The following MAP3K13 variants were observed in gnomAD, a reference collection of about 807,000 sequenced individuals.
The protein encoded by MAP3K13 is mitogen-activated protein kinase kinase kinase 13, also known as leucine zipper-bearing kinase.
A neutral mutation model predicts 104.0 loss-of-function variants in MAP3K13; 52 were observed. The ratio of observed to expected loss-of-function variants is 0.50; its 90% CI spans 0.40 to 0.63. The LOEUF (loss-of-function observed/expected upper bound fraction) is 0.63. Ranked by LOEUF, MAP3K13 falls within the 20% of genes least tolerant of loss-of-function variation. MAP3K13 has a pLI of 0.00. For synonymous variants in MAP3K13, 394 were observed against 442.2 expected (o/e 0.89, Z 1.37); for missense variants, 914 against 1,218.5 (o/e 0.75, Z 3.72).
chr3:185,477,767 T>G (rs1194854240), intron 12 of MAP3K13, among the ~76,000 whole-genome samples: 1 of 152,150 alleles, frequency 6.6e-6, no homozygotes, highest in Non-Finnish European at 1.5e-5. Context: ...ACTGGATGCT[T>G]AAACAACAGA....
At chr3:185,327,092 G>A (rs572929006) in intron 2 of MAP3K13, among the ~76,000 whole-genome samples, 1 of 152,248 alleles carries the variant, frequency 6.6e-6, no homozygotes, top group South Asian at 2.1e-4. Context: ...CTAAACCAGG[G>A]TGTCATCAGG....
At chr3:185,416,146 T>C (rs1560094654) in intron 1 of MAP3K13, among the ~76,000 whole-genome samples, 1 of 152,194 alleles carries the variant, frequency 6.6e-6, no homozygotes, top group African/African-American at 2.4e-5. Flanking sequence ...TCATTTATAA[T>C]ACCAAATGAA....
At chr3:185,370,844 G>T (rs1274338652) in intron 1 of MAP3K13, among the ~76,000 whole-genome samples, 8 of 150,646 alleles carry the variant, frequency 5.3e-5, no homozygotes, top group Admixed American at 3.3e-4. Flanking sequence ...CAGTTTGGTT[G>T]TACGTTGTAG....
At chr3:185,445,449 A>G (rs1003115561) in intron 4 of MAP3K13, among the ~76,000 whole-genome samples, 2 of 152,180 alleles carry the variant, frequency 1.3e-5, no homozygotes, top group Non-Finnish European at 2.9e-5. Context: ...TTCCGTTCAC[A>G]TTCTTACCCT....
chr3:185,288,275 G>A (rs1720601087), intron 2 of MAP3K13, among the ~76,000 whole-genome samples: 1 of 152,056 alleles, frequency 6.6e-6, no homozygotes, highest in African/African-American at 2.4e-5. Flanking sequence ...AAAGTTACAT[G>A]TAGAAAACAC....
chr3:185,430,366 A>G (rs766801282), intron 2 of MAP3K13, among the ~76,000 whole-genome samples: 15 of 152,140 alleles, frequency 9.9e-5, no homozygotes, highest in Non-Finnish European at 1.3e-4. Flanking sequence ...TTATATAGGT[A>G]AACTTGTGCC....
At chr3:185,285,632 A>G (rs1720480776) in exon 2 of MAP3K13, 2 of 1,534,454 alleles carry the variant, frequency 1.3e-6, no homozygotes, top group Non-Finnish European at 1.7e-6. Flanking sequence ...AAATCCTAGC[A>G]CTCTGGGAGA....
chr3:185,485,521 C>T lies in MAP3K13; in HGVS notation c.*3065C>T, dbSNP rs1177117425. The T allele has an allele frequency of 6.6e-6, 1 of 151,738 alleles. No homozygotes were observed. Among genetic ancestry groups the T allele is most frequent in the Non-Finnish European group, 1.5e-5 (1 of 67,994 alleles). 9.4% of individuals were successfully genotyped at this position (151,738 alleles called of 1,614,324 possible). On this transcript the variant is annotated 3_prime_UTR_variant, in exon 14 of 14. Transcript: ENST00000265026. ...GCCCCTTGCTGCCCTGGAGGTGATCCTCCCTCTGTCCAGCATATTCATGCT... is the reference window on the plus strand; with the variant it reads ...GCCCCTTGCTGCCCTGGAGGTGATCTTCCCTCTGTCCAGCATATTCATGCT...
chr3:185,418,875 T>G lies in MAP3K13; in HGVS notation c.-85-9622T>G. ...TCATCTGTTTTGGGTTTCAGTTCTCTTAATCATGATCATTCTGCCTTTTCT... is the reference window on the plus strand; with the variant it reads ...TCATCTGTTTTGGGTTTCAGTTCTCGTAATCATGATCATTCTGCCTTTTCT... On this transcript the variant is annotated intron_variant, in intron 1 of 13. Transcript: ENST00000265026. This position sits in a 1 kb window ranked among gnomAD's most constrained non-coding sequence, Gnocchi z 4.5. 3 of 1,295,340 alleles carry G rather than the reference T, an allele frequency of 2.3e-6. No individual in the cohort carries two copies. The highest frequency in any genetic ancestry group is 3.2e-6 in the Non-Finnish European group (3 of 950,794). 80.2% of individuals were successfully genotyped at this position (1,295,340 alleles called of 1,614,324 possible).
At chr3:185,422,314 G>T (rs1454037537) in intron 1 of MAP3K13, among the ~76,000 whole-genome samples, 1 of 152,212 alleles carries the variant, frequency 6.6e-6, no homozygotes, top group African/African-American at 2.4e-5. Flanking sequence ...TCTGCCACTG[G>T]TCAGATGTTA....
chr3:185,312,297 C>G (rs946308054), intron 2 of MAP3K13, among the ~76,000 whole-genome samples: 15 of 152,236 alleles, frequency 9.9e-5, no homozygotes, highest in African/African-American at 3.6e-4. Context: ...AAGATGCAGA[C>G]AGAAGATAGA....
chr3:185,339,397 C>T (rs1397046234), intron 2 of MAP3K13, among the ~76,000 whole-genome samples: 4 of 152,290 alleles, frequency 2.6e-5, no homozygotes, highest in East Asian at 3.9e-4. Context: ...AGTGTGTTCT[C>T]GAAGTGTGTT....
At chr3:185,437,015 A>G (rs1715071729) in intron 2 of MAP3K13, among the ~76,000 whole-genome samples, 1 of 149,748 alleles carries the variant, frequency 6.7e-6, no homozygotes, top group Non-Finnish European at 1.5e-5. Flanking sequence ...AAAAAAAAAA[A>G]AAAAAAAAAA....
chr3:185,455,137 T>A (rs1319494362), intron 7 of MAP3K13, among the ~76,000 whole-genome samples: 1 of 110,618 alleles, frequency 9.0e-6, no homozygotes, highest in African/African-American at 3.2e-5. Flanking sequence ...GATATATATA[T>A]GATATATATG....
intron 2 of MAP3K13, among the ~76,000 whole-genome samples, chr3:185,304,179 T>C (rs1721200408): frequency 6.6e-6 from 1 of 152,248 alleles, no homozygotes. Context: ...TTGGAAAAGA[T>C]GCTTGGTATG....
intron 10 of MAP3K13, among the ~76,000 whole-genome samples, chr3:185,469,001 A>T (rs1029402282): frequency 1.6e-4 from 25 of 152,216 alleles, no homozygotes; most frequent in African/African-American, 6.0e-4. Flanking sequence ...AGAGTTTGAC[A>T]ACACAAGTAG....
intron 2 of MAP3K13, among the ~76,000 whole-genome samples, chr3:185,349,917 A>G (rs1177452095): frequency 2.0e-5 from 3 of 152,216 alleles, no homozygotes; most frequent in South Asian, 4.1e-4. Flanking sequence ...CTTAGAAGAC[A>G]GGTTTCTAGT....
chr3:185,333,329 G>T (rs986772980), intron 2 of MAP3K13, among the ~76,000 whole-genome samples: 78 of 152,226 alleles, frequency 5.1e-4, no homozygotes, highest in African/African-American at 1.9e-3. Flanking sequence ...ACATTGGATT[G>T]TTGTAAAGAT....
intron 7 of MAP3K13, among the ~76,000 whole-genome samples, chr3:185,454,904 T>TC: frequency 1.1e-5 from 1 of 93,088 alleles, no homozygotes; most frequent in South Asian, 3.4e-4. Context: ...GAGATATATA[T>TC]ATGATATATA....
Sources: allele counts gnomAD v4.1 joint callset (sites outside exome capture counted in the v4.1 genomes callset), GRCh38; gene constraint gnomAD v4.1.1; non-coding constraint Gnocchi (gnomAD v3.1); transcripts MANE v1.5; gene names NCBI Gene and HGNC (gene_info 2026-07-23, HGNC 2026-07-21).